UBE2W: variants seen among roughly 807,000 people sequenced by gnomAD.
The protein encoded by UBE2W is ubiquitin-conjugating enzyme E2 W.
In UBE2W, 18 loss-of-function variants were observed where a neutral mutation model predicts 27.2. The observed-to-expected ratio is 0.66, with a 90% confidence interval of 0.46 to 0.98. The LOEUF is 0.98. UBE2W is among the 50% of genes least tolerant of loss of function. The probability of loss-of-function intolerance (pLI) is 0.00; values close to 1 mark genes in which losing one functional copy is unlikely to be tolerated. For missense variants in UBE2W, 90 were observed against 180.2 expected (o/e 0.50, Z 2.87); for synonymous variants, 53 against 57.2 (o/e 0.93, Z 0.33).
At chr8:73,869,982 G>T (rs1811933252) in intron 1 of UBE2W, among the ~76,000 whole-genome samples, 1 of 152,186 alleles carries the variant, frequency 6.6e-6, no homozygotes, top group Non-Finnish European at 1.5e-5. Context: ...TAGATGAGTG[G>T]TTTCCAGACA....
intron 3 of UBE2W, 138 bp from the exon 4 acceptor site, chr8:73,810,767 T>C: frequency 1.7e-6 from 1 of 582,648 alleles, no homozygotes; most frequent in Non-Finnish European, 2.7e-6. Flanking sequence ...GATAAACAAC[T>C]GCTTATTTGT....
In UBE2W at chr8:73,798,752, A is replaced by G. The variant is rs561260113; in HGVS notation, c.443-4637T>C. ...TCTATCTTTCCCAAGAACAATTATC[A>G]TGTCTGTTTTATGATATAGAACTCT... On this transcript the variant is annotated intron_variant, in intron 5 of 5. Coordinates refer to ENST00000602593, the MANE Select transcript of UBE2W (RefSeq NM_018299.6). Among the ~76,000 whole-genome samples the G allele has an allele frequency of 1.1e-3, 163 of 152,264 alleles. 1 individual carries two copies. The highest frequency in any genetic ancestry group is 3.6e-3 in the African/African-American group (151 of 41,546).
At chr8:73,833,028 T>G (rs746571171) in intron 1 of UBE2W, among the ~76,000 whole-genome samples, 29 of 151,468 alleles carry the variant, frequency 1.9e-4, no homozygotes, top group Non-Finnish European at 3.2e-4. Flanking sequence ...CTAAAAATAC[T>G]AAAAAAATTA....
chr8:73,868,478 C>T (rs1811868143), intron 1 of UBE2W, among the ~76,000 whole-genome samples: 1 of 152,146 alleles, frequency 6.6e-6, no homozygotes, highest in African/African-American at 2.4e-5. Context: ...CTGTCTTCCC[C>T]GGTTTCTGTG....
intron 3 of UBE2W, among the ~76,000 whole-genome samples, chr8:73,815,351 G>T (rs76818395): frequency 1.1e-4 from 16 of 152,236 alleles, no homozygotes; most frequent in Non-Finnish European, 1.8e-4. Flanking sequence ...TTCAGCCTGG[G>T]CAACAGAGTG....
chr8:73,871,551 G>A (rs1429297716), intron 1 of UBE2W, among the ~76,000 whole-genome samples: 3 of 152,180 alleles, frequency 2.0e-5, no homozygotes, highest in Non-Finnish European at 4.4e-5. Context: ...CTAAATGAAA[G>A]TAGAGTATTT....
At chr8:73,850,188 C>A (rs1811011689) in intron 1 of UBE2W, among the ~76,000 whole-genome samples, 1 of 152,144 alleles carries the variant, frequency 6.6e-6, no homozygotes. Flanking sequence ...CTCAATTATT[C>A]TTATTAGCTA....
intron 1 of UBE2W, among the ~76,000 whole-genome samples, chr8:73,859,811 A>G (rs1344372375): frequency 1.3e-5 from 2 of 152,298 alleles, no homozygotes; most frequent in East Asian, 3.9e-4. Context: ...TCAGAAACGC[A>G]ATCTGTATTT....
chr8:73,848,633 C>T (rs141730246), intron 1 of UBE2W, among the ~76,000 whole-genome samples: 27 of 152,178 alleles, frequency 1.8e-4, no homozygotes, highest in African/African-American at 6.0e-4. Context: ...TGGAGGCTGC[C>T]GTGAGCCGTG....
In UBE2W at chr8:73,792,551, G is replaced by A. The variant is rs970861932; in HGVS notation, c.*1551C>T. ...TGATTGAATGGTTTTACTGGGGTAC[G>A]TATTTCAAACCTTTCAGCCAACTGG... On this transcript the variant is annotated 3_prime_UTR_variant, in exon 6 of 6. Transcript: ENST00000602593. The A allele has an allele frequency of 1.8e-5, 18 of 985,632 alleles. No individual in the cohort carries two copies. Among genetic ancestry groups the A allele is most frequent in the African/African-American group, 3.5e-5 (2 of 57,322 alleles). 61.1% of individuals were successfully genotyped at this position (985,632 alleles called of 1,614,324 possible). A position where few individuals can be genotyped will look rare whatever the true frequency, so the allele number is the denominator to read the frequency against.
At chr8:73,870,341 T>A in intron 1 of UBE2W, 1 of 1,548,000 alleles carries the variant, frequency 6.5e-7, no homozygotes, top group Non-Finnish European at 8.7e-7. Flanking sequence ...CACATGGTCA[T>A]AAAGGAAATC....
At chr8:73,856,357 ATTTT>A (rs34593904) in intron 1 of UBE2W, among the ~76,000 whole-genome samples, 1 of 89,344 alleles carries the variant, frequency 1.1e-5, no homozygotes, top group Non-Finnish European at 2.0e-5. Context: ...ACACTTATGA[ATTTT>A]TTTTTTTTTT....
At chr8:73,856,625 G>T (rs1811314348) in intron 1 of UBE2W, among the ~76,000 whole-genome samples, 1 of 151,954 alleles carries the variant, frequency 6.6e-6, no homozygotes, top group Admixed American at 6.6e-5. Context: ...AAAATGCTGA[G>T]ATTACAGGCA....
chr8:73,876,257 A>G (rs2131003788), intron 1 of UBE2W, among the ~76,000 whole-genome samples: 1 of 152,108 alleles, frequency 6.6e-6, no homozygotes, highest in Non-Finnish European at 1.5e-5. Context: ...CAAAGTTGAT[A>G]ATTTTATTGA....
At chr8:73,864,312 T>G (rs576097268) in intron 1 of UBE2W, among the ~76,000 whole-genome samples, 1 of 152,308 alleles carries the variant, frequency 6.6e-6, no homozygotes, top group East Asian at 1.9e-4. Context: ...GAGAATCACT[T>G]GAACCTGGGA....
rs181465995 is a variant in UBE2W at position 73,847,745 on chromosome 8, T to C, written c.16-17273A>G. Among the ~76,000 whole-genome samples, 108 of 151,424 alleles carry C rather than the reference T, an allele frequency of 7.1e-4. 1 individual carries two copies. The East Asian group carries it at 0.018, about 25-fold the overall frequency. On this transcript the variant is annotated intron_variant, in intron 1 of 5. Transcript: ENST00000602593. ...GGTGAAATCCCATCTCTACTAAAAA[T>C]ACAAAAATTAGCCGGGCATGGTGGC... is the stretch of plus-strand genomic sequence containing the variant.
rs954815086 is a variant in UBE2W, at chr8:73,787,940, A to G, written c.*6162T>C. The G allele has an allele frequency of 3.7e-5, 36 of 985,172 alleles. No individual in the cohort carries two copies. The highest frequency in any genetic ancestry group is 4.2e-5 in the Non-Finnish European group (35 of 829,832). The allele number at this position is 985,172 out of a possible 1,614,324, so 61.0% of individuals were successfully genotyped here. ...ACATATTACATAAAGGTGATGTGTT[A>G]AATAGATGGTTTAAGTGACTATCTT... On this transcript the variant is annotated 3_prime_UTR_variant, in exon 6 of 6. Transcript: ENST00000602593.
intron 5 of UBE2W, among the ~76,000 whole-genome samples, chr8:73,795,129 G>A (rs1021894998): frequency 1.3e-5 from 2 of 151,684 alleles, no homozygotes; most frequent in Non-Finnish European, 2.9e-5. Context: ...AGTTGTGAAA[G>A]CACTCAAGGA....
At chr8:73,839,644 A>G (rs1810455934) in intron 1 of UBE2W, among the ~76,000 whole-genome samples, 1 of 151,492 alleles carries the variant, frequency 6.6e-6, no homozygotes, top group African/African-American at 2.4e-5. Context: ...GCGACAGCAC[A>G]AGACTCCATC....
Sources: allele counts gnomAD v4.1 joint callset (sites outside exome capture counted in the v4.1 genomes callset), GRCh38; gene constraint gnomAD v4.1.1; transcripts MANE v1.5; gene names NCBI Gene and HGNC (gene_info 2026-07-23, HGNC 2026-07-21).